NRG3: variants seen among roughly 807,000 people sequenced by gnomAD.
The protein encoded by NRG3 is pro-neuregulin-3, membrane-bound isoform.
NRG3 carries 31 observed loss-of-function variants against 66.9 expected under a neutral mutation model. The ratio of observed to expected loss-of-function variants is 0.46; its 90% CI spans 0.35 to 0.63. The LOEUF (loss-of-function observed/expected upper bound fraction) is 0.63, where lower values mean the gene tolerates loss of function less well. NRG3 is among the 20% of genes least tolerant of loss of function. The probability of loss-of-function intolerance (pLI) is 0.00; values close to 1 mark genes in which losing one functional copy is unlikely to be tolerated. For missense variants in NRG3, 910 were observed against 878.9 expected (o/e 1.04, Z -0.45); for synonymous variants, 393 against 359.4 (o/e 1.09, Z -1.06).
intron 2 of NRG3, among the ~76,000 whole-genome samples, chr10:82,656,308 CTTTT>C (rs3040205): frequency 1.5e-5 from 2 of 132,004 alleles, no homozygotes; most frequent in African/African-American, 5.6e-5. Context: ...TTTCTTTTTT[CTTTT>C]TTTTTTTTTT....
intron 1 of NRG3, among the ~76,000 whole-genome samples, chr10:82,353,204 G>A (rs967118617): frequency 1.3e-5 from 2 of 152,108 alleles, no homozygotes; most frequent in Non-Finnish European, 2.9e-5. Context: ...AGCAAATTCT[G>A]AGCTGCTTTT....
chr10:82,606,405 A>T (rs1451546838), intron 2 of NRG3, among the ~76,000 whole-genome samples: 1 of 152,094 alleles, frequency 6.6e-6, no homozygotes. Flanking sequence ...CTGTTCTTTT[A>T]AATGTGTTAA....
chr10:82,941,390 T>TA (rs1848567864), intron 4 of NRG3, among the ~76,000 whole-genome samples: 1 of 152,174 alleles, frequency 6.6e-6, no homozygotes, highest in Non-Finnish European at 1.5e-5. Flanking sequence ...ATCTGCAAGT[T>TA]AAAAAAAGCA....
At chr10:82,257,801 A>G (rs988102854) in intron 1 of NRG3, among the ~76,000 whole-genome samples, 2 of 152,164 alleles carry the variant, frequency 1.3e-5, no homozygotes, top group African/African-American at 2.4e-5. Context: ...TTTTCCTATG[A>G]TGTCTATCTA....
At chr10:82,238,191 C>T (rs2076844551) in intron 1 of NRG3, among the ~76,000 whole-genome samples, 1 of 152,016 alleles carries the variant, frequency 6.6e-6, no homozygotes, top group Admixed American at 6.6e-5. Context: ...CATGAATATT[C>T]CTTTTGTAGT....
At chr10:82,797,101 C>T (rs1012858371) in intron 3 of NRG3, among the ~76,000 whole-genome samples, 8 of 152,114 alleles carry the variant, frequency 5.3e-5, no homozygotes, top group Admixed American at 2.6e-4. Flanking sequence ...AACCTTTTTA[C>T]AATCAGTCTT....
chr10:82,309,025 C>T (rs958620058), intron 1 of NRG3, among the ~76,000 whole-genome samples: 2 of 152,204 alleles, frequency 1.3e-5, no homozygotes, highest in African/African-American at 4.8e-5. Context: ...ATCAGGTATA[C>T]TCATATGGAA....
At chr10:82,710,574 A>C (rs139128664) in intron 2 of NRG3, among the ~76,000 whole-genome samples, 1,377 of 135,210 alleles carry the variant, frequency 0.01, 27 homozygotes, top group African/African-American at 0.038. Flanking sequence ...CGACAAGAGC[A>C]AGACTCCATC....
chr10:82,208,370 A>T (rs2075231780), intron 1 of NRG3, among the ~76,000 whole-genome samples: 2 of 152,160 alleles, frequency 1.3e-5, no homozygotes, highest in Admixed American at 6.6e-5. Context: ...AACTACTGGA[A>T]TGACCAGCAA....
At position 82,768,132 on chromosome 10, in the gene NRG3, C is replaced by G. The variant is rs116053404; in HGVS notation, c.1027+29482C>G. 3.3e-3 allele frequency among the ~76,000 whole-genome samples: 496 copies of G among 152,240 alleles called. 3 individuals carry two copies. Among genetic ancestry groups the G allele is most frequent in the African/African-American group, 0.011 (473 of 41,536 alleles). On this transcript the variant is annotated intron_variant, in intron 3 of 8. Coordinates refer to ENST00000372141, the MANE Select transcript of NRG3 (RefSeq NM_001010848.4). Reference sequence around the variant, plus strand: ...TGCCTGACCACTGACTGTTGCAAGTCAAGAGTAGGAGAAATGTGTCTAGGA... The same window carrying G: ...TGCCTGACCACTGACTGTTGCAAGTGAAGAGTAGGAGAAATGTGTCTAGGA...
chr10:81,900,145 C>T (rs1405447634), intron 1 of NRG3, among the ~76,000 whole-genome samples: 3 of 152,104 alleles, frequency 2.0e-5, no homozygotes, highest in Non-Finnish European at 4.4e-5. Context: ...GATGGGGTTT[C>T]ACCATGTTGT....
intron 3 of NRG3, among the ~76,000 whole-genome samples, chr10:82,764,947 CA>C (rs1240757589): frequency 1.3e-5 from 2 of 152,024 alleles, no homozygotes; most frequent in Non-Finnish European, 2.9e-5. Context: ...TGTCATATGA[CA>C]AAGTGTAGTT....
intron 2 of NRG3, among the ~76,000 whole-genome samples, chr10:82,439,680 T>C (rs2090331039): frequency 6.6e-6 from 1 of 151,974 alleles, no homozygotes. Context: ...GAAGTCCTGA[T>C]TTCTATTTTA....
chr10:82,765,396 C>T (rs2059476559), intron 3 of NRG3, among the ~76,000 whole-genome samples: 1 of 152,030 alleles, frequency 6.6e-6, no homozygotes, highest in Non-Finnish European at 1.5e-5. Flanking sequence ...CATACTTACA[C>T]ATGATACAAA....
At chr10:82,921,184 G>GT (rs1255710945) in intron 4 of NRG3, among the ~76,000 whole-genome samples, 4 of 151,978 alleles carry the variant, frequency 2.6e-5, no homozygotes, top group African/African-American at 9.7e-5. Context: ...TATTTCTCTG[G>GT]TTTTCTCTCA....
intron 2 of NRG3, among the ~76,000 whole-genome samples, chr10:82,456,306 A>T (rs1010276858): frequency 6.6e-5 from 10 of 151,064 alleles, no homozygotes; most frequent in Middle Eastern, 3.4e-3. Flanking sequence ...CAACTGGCTA[A>T]TTTTTTTTTA....
At chr10:82,708,790 T>G (rs910125644) in intron 2 of NRG3, among the ~76,000 whole-genome samples, 3 of 152,178 alleles carry the variant, frequency 2.0e-5, no homozygotes, top group African/African-American at 7.2e-5. Flanking sequence ...TACTAGAGTT[T>G]TATTGACTTT....
At chr10:82,693,772 G>A (rs2055137052) in intron 2 of NRG3, among the ~76,000 whole-genome samples, 1 of 152,160 alleles carries the variant, frequency 6.6e-6, no homozygotes, top group South Asian at 2.1e-4. Flanking sequence ...TGAAGCTGTG[G>A]AACTTTGAAT....
intron 3 of NRG3, among the ~76,000 whole-genome samples, chr10:82,849,103 A>C (rs1186556478): frequency 6.6e-6 from 1 of 152,222 alleles, no homozygotes; most frequent in Admixed American, 6.5e-5. Context: ...TGGGGTCTTT[A>C]GCATGGGCGC....
Sources: gnomAD v4.1 joint callset for allele counts (sites outside exome capture counted in the v4.1 genomes callset) on GRCh38, gnomAD v4.1.1 for gene constraint, MANE v1.5 for transcripts, NCBI Gene and HGNC (gene_info 2026-07-23, HGNC 2026-07-21) for gene names.